Variants in AGPS observed in about 807,000 individuals in gnomAD.
AGPS encodes alkylglycerone phosphate synthase.
Under a neutral mutation model 90.7 loss-of-function variants are expected in AGPS, and 26 were observed. That is an observed-to-expected ratio of 0.29 (90% confidence interval 0.21 to 0.40). The LOEUF (loss-of-function observed/expected upper bound fraction) is 0.40. Among genes scored for constraint, AGPS ranks in the 10% least tolerant of loss-of-function variants. The probability of loss-of-function intolerance (pLI) is 1.00; values close to 1 mark genes in which losing one functional copy is unlikely to be tolerated. For missense variants in AGPS, 540 were observed against 816.1 expected (o/e 0.66, Z 4.12); for synonymous variants, 294 against 285.3 (o/e 1.03, Z -0.31).
intron 5 of AGPS, among the ~76,000 whole-genome samples, chr2:177,439,986 T>C (rs1686550171): frequency 6.6e-6 from 1 of 152,166 alleles, no homozygotes; most frequent in Non-Finnish European, 1.5e-5. Flanking sequence ...CCTTTAGTTC[T>C]GTACAAAGGA....
chr2:177,527,570 A>G (rs1468943689), intron 19 of AGPS, among the ~76,000 whole-genome samples: 2 of 152,014 alleles, frequency 1.3e-5, no homozygotes, highest in African/African-American at 4.8e-5. Context: ...CCATAAGTCA[A>G]TTTTACTTTC....
chr2:177,482,462 TTTGA>T (rs553497803), intron 11 of AGPS, among the ~76,000 whole-genome samples: 32 of 152,148 alleles, frequency 2.1e-4, no homozygotes, highest in Non-Finnish European at 3.4e-4. Flanking sequence ...AAGATAGTAC[TTTGA>T]TTGGTAGCTT....
At chr2:177,458,425 G>A (rs945047206) in intron 8 of AGPS, among the ~76,000 whole-genome samples, 2 of 152,294 alleles carry the variant, frequency 1.3e-5, no homozygotes, top group African/African-American at 4.8e-5. Context: ...TGACATGATT[G>A]TATATTTAGA....
In AGPS at chr2:177,515,716, A is replaced by G. The variant is rs945986106; in HGVS notation, c.1697+1808A>G. 1.8e-4 allele frequency among the ~76,000 whole-genome samples: 27 copies of G among 152,190 alleles called. 1 individual carries two copies. Among genetic ancestry groups the G allele is most frequent in the African/African-American group, 6.3e-4 (26 of 41,454 alleles). On this transcript the variant is annotated intron_variant, in intron 17 of 19. Coordinates refer to ENST00000264167, the MANE Select transcript of AGPS (RefSeq NM_003659.4). Reference sequence around the variant, plus strand: ...TTAGTATATTTAGACTGAATTGGCCATATGTCATTTTTATTAAATAGCAGT... The same window carrying G: ...TTAGTATATTTAGACTGAATTGGCCGTATGTCATTTTTATTAAATAGCAGT...
At chr2:177,435,190 G>A (rs1686367171) in intron 3 of AGPS, among the ~76,000 whole-genome samples, 2 of 151,774 alleles carry the variant, frequency 1.3e-5, no homozygotes, top group South Asian at 2.1e-4. Flanking sequence ...TAAGTACAGG[G>A]CTATGTCTTA....
At chr2:177,459,012 A>G (rs1031135685) in intron 8 of AGPS, among the ~76,000 whole-genome samples, 28 of 152,194 alleles carry the variant, frequency 1.8e-4, no homozygotes, top group African/African-American at 6.5e-4. Context: ...GGCCTCAGAA[A>G]TAACACCACA....
At chr2:177,463,557 C>A (rs895156502) in intron 9 of AGPS, among the ~76,000 whole-genome samples, 1 of 152,020 alleles carries the variant, frequency 6.6e-6, no homozygotes, top group East Asian at 1.9e-4. Flanking sequence ...AATATTAAAT[C>A]TTTAATAAAA....
At chr2:177,513,461 C>T (rs768451188) in intron 16 of AGPS, among the ~76,000 whole-genome samples, 3 of 152,086 alleles carry the variant, frequency 2.0e-5, no homozygotes, top group South Asian at 2.1e-4. Context: ...AACCTAGAAT[C>T]GAATTTTCAT....
Position 177,543,116 on chromosome 2 carries a change from A to G in AGPS, c.*4921A>G, listed in dbSNP as rs1401646677. 3 of 152,146 alleles carry G rather than the reference A, an allele frequency of 2.0e-5. No individual in the cohort carries two copies. The highest frequency in any genetic ancestry group is 2.9e-5 in the Non-Finnish European group (2 of 68,030). 9.4% of individuals were successfully genotyped at this position (152,146 alleles called of 1,614,324 possible). On this transcript the variant is annotated 3_prime_UTR_variant, in exon 20 of 20. Coordinates refer to ENST00000264167, the MANE Select transcript of AGPS (RefSeq NM_003659.4). ...ATGTGCTTTTCCTTCCTACATTTTC[A>G]TTCCTACTGCCCCAACCTAGTAGCC...
At chr2:177,499,825 C>T (rs979556000) in intron 14 of AGPS, 95 bp downstream of exon 14, 127 of 796,282 alleles carry the variant, frequency 1.6e-4, no homozygotes, top group Middle Eastern at 8.2e-4. Flanking sequence ...ATTAATGTCT[C>T]CAAACAGACT....
chr2:177,535,675 T>C (rs1030022787), intron 19 of AGPS, among the ~76,000 whole-genome samples: 3 of 152,202 alleles, frequency 2.0e-5, no homozygotes, highest in African/African-American at 7.2e-5. Flanking sequence ...ACGTTTTTGT[T>C]TGAATGTGTT....
intron 2 of AGPS, 138 bp downstream of exon 2, chr2:177,420,496 T>A: frequency 1.5e-6 from 1 of 673,226 alleles, no homozygotes; most frequent in Admixed American, 2.2e-5. Flanking sequence ...GCTTTTTGTC[T>A]CCTGGTAATA....
chr2:177,405,383 C>A (rs1202637075), intron 1 of AGPS, among the ~76,000 whole-genome samples: 11 of 152,224 alleles, frequency 7.2e-5, no homozygotes, highest in Admixed American at 3.3e-4. Context: ...ATGATACAAC[C>A]AGATTATCTG....
At chr2:177,466,881 G>A (rs988972534) in intron 9 of AGPS, among the ~76,000 whole-genome samples, 11 of 151,988 alleles carry the variant, frequency 7.2e-5, no homozygotes, top group African/African-American at 2.7e-4. Flanking sequence ...CTGCAGCTGT[G>A]TCCAGGAGGG....
chr2:177,418,199 T>C (rs951601130), intron 1 of AGPS, among the ~76,000 whole-genome samples: 3 of 152,104 alleles, frequency 2.0e-5, no homozygotes, highest in African/African-American at 7.2e-5. Flanking sequence ...TTGGAAGTTC[T>C]TTAGAATATT....
intron 10 of AGPS, among the ~76,000 whole-genome samples, chr2:177,470,448 A>C (rs113321522): frequency 0.067 from 10,210 of 152,172 alleles, 1,124 homozygotes; most frequent in African/African-American, 0.23. Flanking sequence ...TCACACCTGT[A>C]ATCCCAGCAC....
chr2:177,443,684 C>T (rs1314357941), intron 7 of AGPS, among the ~76,000 whole-genome samples: 1 of 152,134 alleles, frequency 6.6e-6, no homozygotes, highest in African/African-American at 2.4e-5. Flanking sequence ...AGATGGTGAA[C>T]ACTTTATTTT....
intron 8 of AGPS, among the ~76,000 whole-genome samples, chr2:177,455,903 C>T (rs1019998158): frequency 6.6e-6 from 1 of 151,970 alleles, no homozygotes. Context: ...TTTGTTGTTT[C>T]AGTATTGAAT....
rs544949682 is a variant in AGPS, at chr2:177,461,845, C to T, written c.871-48C>T. 4.8e-5 allele frequency: 75 copies of T among 1,551,584 alleles called. No individual in the cohort carries two copies. In the Admixed American group the frequency reaches 4.8e-4, roughly 10 times the overall value. ...AGGAGTTAATGTGTTGAGTGCTGTA[C>T]GTAATGGGACCATTTTCACTGTAAA... On this transcript the variant is annotated intron_variant, in intron 8 of 19. Transcript: ENST00000264167.
Sources: allele counts gnomAD v4.1 joint callset (sites outside exome capture counted in the v4.1 genomes callset), GRCh38; gene constraint gnomAD v4.1.1; transcripts MANE v1.5; gene names NCBI Gene and HGNC (gene_info 2026-07-23, HGNC 2026-07-21).